The following TXNL4A variants were observed in gnomAD, a reference collection of about 807,000 sequenced individuals.
The protein encoded by TXNL4A is thioredoxin-like protein 4A.
TXNL4A carries 17 observed loss-of-function variants against 14.6 expected under a neutral mutation model. That is an observed-to-expected ratio of 1.16 (90% CI 0.80 to 1.74). The LOEUF (loss-of-function observed/expected upper bound fraction) is 1.74. Among genes scored for constraint, TXNL4A ranks in the 40% most tolerant of loss-of-function variants. The pLI is 0.00. For synonymous variants in TXNL4A, 83 were observed against 70.6 expected, an observed-to-expected ratio of 1.18 and a Z score of -0.88; for missense variants, 74 against 195.2, an observed-to-expected ratio of 0.38 and a Z score of 3.70.
At chr18:80,025,979 C>T (rs2051881826) in intron 1 of TXNL4A, among the ~76,000 whole-genome samples, 1 of 152,194 alleles carries the variant, frequency 6.6e-6, no homozygotes, top group Non-Finnish European at 1.5e-5. Flanking sequence ...GCAATGCTGC[C>T]AGAACCCAAA....
At chr18:79,974,027 A>G (rs993288251) in intron 2 of TXNL4A, among the ~76,000 whole-genome samples, 171 bp from the exon 3 acceptor site, 20 of 152,200 alleles carry the variant, frequency 1.3e-4, no homozygotes, top group Non-Finnish European at 2.4e-4. Flanking sequence ...AAGCAGCTAA[A>G]TGTGTTTTTA....
intron 1 of TXNL4A, chr18:79,995,156 A>C (rs1235873143): frequency 6.6e-6 from 1 of 152,226 alleles, no homozygotes; most frequent in Non-Finnish European, 1.5e-5. Flanking sequence ...GGTTTGCTCA[A>C]GAGTTTGAGC....
chr18:80,013,122 ATT>A (rs35502760), intron 1 of TXNL4A, among the ~76,000 whole-genome samples: 85 of 96,148 alleles, frequency 8.8e-4, no homozygotes, highest in African/African-American at 2.3e-3. Flanking sequence ...AAAAAAAAAA[ATT>A]TTTTTTTTTT....
At chr18:80,003,155 T>C (rs949574366) in intron 1 of TXNL4A, among the ~76,000 whole-genome samples, 3 of 152,262 alleles carry the variant, frequency 2.0e-5, no homozygotes, top group Admixed American at 6.5e-5. Flanking sequence ...CATCATCATA[T>C]GTCATCCTCT....
At position 79,998,678 on chromosome 18, in the gene TXNL4A, C is replaced by G. The variant is rs540095408; in HGVS notation, c.-60-20977G>C. Among the ~76,000 whole-genome samples, 5 of 149,336 alleles carry G rather than the reference C, an allele frequency of 3.3e-5. No homozygotes were observed. In the South Asian group the frequency reaches 1.1e-3, roughly 33 times the overall value. On this transcript the variant is annotated intron_variant, in intron 1 of 2. Coordinates refer to the TXNL4A transcript ENST00000585474. ...TTGAAGAAATAAGTATGGGTTCCCC[C>G]CTTACCATTTCTGTGCCACATTCTC...
intron 1 of TXNL4A, among the ~76,000 whole-genome samples, chr18:80,010,651 G>GC (rs1486766117): frequency 2.0e-5 from 3 of 152,244 alleles, no homozygotes; most frequent in Non-Finnish European, 4.4e-5. Flanking sequence ...TTTATGCCCA[G>GC]CCTTGTTCCC....
chr18:80,002,156 T>A (rs1252302056), intron 1 of TXNL4A, among the ~76,000 whole-genome samples: 1 of 152,210 alleles, frequency 6.6e-6, no homozygotes, highest in Non-Finnish European at 1.5e-5. Context: ...AACCCTTTCA[T>A]GTGGCTCTCA....
Position 79,982,443 on chromosome 18 carries a change from C to T in TXNL4A, c.154-4742G>A, listed in dbSNP as rs1434680717. Among the ~76,000 whole-genome samples, 1 of 152,200 alleles carries T rather than the reference C, an allele frequency of 6.6e-6. No individual in the cohort carries two copies. The highest frequency in any genetic ancestry group is 2.4e-5 in the African/African-American group (1 of 41,458). On this transcript the variant is annotated intron_variant, in intron 1 of 2. Coordinates refer to ENST00000269601, the MANE Select transcript of TXNL4A (RefSeq NM_006701.5). This position sits in a 1 kb window ranked among gnomAD's most constrained non-coding sequence, Gnocchi z 4.0. The stretch of plus-strand genomic sequence containing the variant: ...ATGGAGTCTGGGCTGGAGAGAGCTA[C>T]CTTACTGCCGCCACCTACATCCAGC...
chr18:80,008,432 T>C (rs1463112243), intron 1 of TXNL4A, among the ~76,000 whole-genome samples: 1 of 152,170 alleles, frequency 6.6e-6, no homozygotes, highest in Non-Finnish European at 1.5e-5. Flanking sequence ...CCTCTTCTCA[T>C]GCCTGGTCCT....
intron 2 of TXNL4A, 68 bp from the exon 3 acceptor site, chr18:79,973,924 T>A: frequency 6.3e-7 from 1 of 1,574,854 alleles, no homozygotes; most frequent in Non-Finnish European, 8.6e-7. Context: ...TTGAAAACAA[T>A]GCCGTATTTT....
intron 1 of TXNL4A, among the ~76,000 whole-genome samples, chr18:79,995,930 G>A (rs1222795822): frequency 6.6e-6 from 1 of 151,740 alleles, no homozygotes; most frequent in Non-Finnish European, 1.5e-5. Flanking sequence ...GTGAAACCCC[G>A]TCTCTACTAA....
chr18:80,028,210 G>A (rs1306014187), intron 1 of TXNL4A, among the ~76,000 whole-genome samples: 1 of 148,758 alleles, frequency 6.7e-6, no homozygotes, highest in African/African-American at 2.5e-5. Flanking sequence ...TGGACCCGGT[G>A]GCTTGAGGGC....
At chr18:79,995,010 G>A (rs1038608634) in intron 1 of TXNL4A, 5 of 152,210 alleles carry the variant, frequency 3.3e-5, no homozygotes, top group African/African-American at 1.2e-4. Context: ...ACACCATAGG[G>A]ACTCCTCTCA....
intron 1 of TXNL4A, among the ~76,000 whole-genome samples, chr18:80,012,427 C>A (rs892515543): frequency 2.6e-5 from 4 of 152,152 alleles, no homozygotes; most frequent in African/African-American, 9.7e-5. Flanking sequence ...AAAAATAACA[C>A]ACTGGGGACC....
Position 79,971,788 on chromosome 18 carries a change from T to G in TXNL4A, c.*1897A>C, listed in dbSNP as rs1316340723. The G allele has an allele frequency of 6.6e-6, 1 of 152,188 alleles. No individual in the cohort carries two copies. The highest frequency in any genetic ancestry group is 1.9e-4 in the East Asian group (1 of 5,186). 9.4% of individuals were successfully genotyped at this position (152,188 alleles called of 1,614,324 possible). ...GTGAAGTGGCGTCTCACTGTGGTTT[T>G]GATTTGCACCTTCCTTAACAAGCAG... On this transcript the variant is annotated 3_prime_UTR_variant, in exon 3 of 3. Coordinates refer to ENST00000269601, the MANE Select transcript of TXNL4A (RefSeq NM_006701.5).
Position 79,988,375 on chromosome 18 carries a change from C to CG in TXNL4A, c.17dup (p.His7AlafsTer47). 1 of 1,530,348 alleles carries CG rather than the reference C, an allele frequency of 6.5e-7. No homozygotes were observed. Among genetic ancestry groups the CG allele is most frequent in the Non-Finnish European group, 8.8e-7 (1 of 1,131,200 alleles). The allele number at this position is 1,530,348 out of a possible 1,614,324, so 94.8% of individuals were successfully genotyped here. A position where few individuals can be genotyped will look rare whatever the true frequency, so the allele number is the denominator to read the frequency against. ...CCACCTGCCAGCCGTTGTGCAGGTGCGGGAGCATGTACGACATGGCGGCCC... is the reference window on the plus strand; with the variant it reads ...CCACCTGCCAGCCGTTGTGCAGGTGCGGGGAGCATGTACGACATGGCGGCCC... On this transcript the variant is annotated frameshift_variant, in exon 1 of 3. Coordinates refer to ENST00000269601, the MANE Select transcript of TXNL4A (RefSeq NM_006701.5). LOFTEE classifies it high-confidence loss of function.
upstream of TXNL4A, chr18:79,988,660 T>G (rs935460855): frequency 3.5e-6 from 1 of 288,190 alleles, no homozygotes; most frequent in African/African-American, 2.2e-5. Context: ...CGCGCGAACG[T>G]GTAGTTGGCC....
At chr18:80,016,478 G>C (rs1599751453) in intron 1 of TXNL4A, among the ~76,000 whole-genome samples, 2 of 151,952 alleles carry the variant, frequency 1.3e-5, no homozygotes, top group Non-Finnish European at 2.9e-5. Context: ...TTTTCTTCTA[G>C]GGTTTTTATG....
chr18:80,019,038 T>C (rs527709972), intron 1 of TXNL4A, among the ~76,000 whole-genome samples: 1 of 152,314 alleles, frequency 6.6e-6, no homozygotes, highest in East Asian at 1.9e-4. Flanking sequence ...CTCTAGGAAG[T>C]TCCAAACTTT....
Sources: allele counts gnomAD v4.1 joint callset (sites outside exome capture counted in the v4.1 genomes callset), GRCh38; gene constraint gnomAD v4.1.1; non-coding constraint Gnocchi (gnomAD v3.1); transcripts MANE v1.5; gene names NCBI Gene and HGNC (gene_info 2026-07-23, HGNC 2026-07-21).